ZSCAN32: variants seen among roughly 807,000 people sequenced by gnomAD.
ZSCAN32 encodes the protein zinc finger and SCAN domain containing 32, also known as zinc finger and SCAN domain-containing protein 32.
In ZSCAN32, 52 loss-of-function variants were observed where a neutral mutation model predicts 47.4. The ratio of observed to expected loss-of-function variants is 1.10; its 90% CI spans 0.88 to 1.38. The LOEUF is 1.38. ZSCAN32 is among the 40% of genes most tolerant of loss of function. The probability of loss-of-function intolerance (pLI) is 0.00; values close to 1 mark genes in which losing one functional copy is unlikely to be tolerated. For synonymous variants in ZSCAN32, 346 were observed against 305.7 expected (o/e 1.13, Z -1.38); for missense variants, 959 against 846.0 (o/e 1.13, Z -1.66).
chr16:3,397,375 G>C lies in ZSCAN32; in HGVS notation c.183C>G (p.Leu61=), dbSNP rs763473028. 12 of 1,555,242 alleles carry C rather than the reference G, an allele frequency of 7.7e-6. No individual in the cohort carries two copies. The highest frequency in any genetic ancestry group is 1.0e-5 in the Non-Finnish European group (12 of 1,149,656). ...TCTTCGGCCTCAGCCACTGACAACAGAGTTCCCAGAGTTTGCTAAAAGCTT... is the reference window on the plus strand; with the variant it reads ...TCTTCGGCCTCAGCCACTGACAACACAGTTCCCAGAGTTTGCTAAAAGCTT... The part of the protein sequence containing the change: ...PHEAFSKLWE[L]CCQWLRPKTH... Residue 61 remains leucine (L), a synonymous_variant, in exon 2 of 7, where the codon CTC becomes CTG. Transcript: ENST00000396852.
chr16:3,389,427 G>A (rs1378644929), intron 5 of ZSCAN32, among the ~76,000 whole-genome samples: 2 of 152,198 alleles, frequency 1.3e-5, no homozygotes, highest in Non-Finnish European at 2.9e-5. Flanking sequence ...CTCTGAATCT[G>A]CATGGTCAGG....
chr16:3,393,727 T>C lies in ZSCAN32; in HGVS notation c.454A>G (p.Lys152Glu). Residue 152 changes from lysine (K) to glutamate (E), a missense_variant, in exon 3 of 7, where the codon AAA becomes GAA. Lys to Glu is a moderately conservative substitution (Grantham distance 56). Coordinates refer to ENST00000396852, the MANE Select transcript of ZSCAN32 (RefSeq NM_001284527.2). The stretch of plus-strand genomic sequence containing the variant: ...GGTTCCTCTGGCTGAACCTCCTGTT[T>C]CCATTGGGATCTCAGTGATTCTCTG... ...ATRESLRSQW[K>E]QEVQPEEPTF... The C allele has an allele frequency of 3.2e-6, 5 of 1,550,466 alleles. No homozygotes were observed. The highest frequency in any genetic ancestry group is 1.2e-5 in the South Asian group (1 of 84,054).
chr16:3,389,484 G>A (rs2032407315), intron 5 of ZSCAN32, among the ~76,000 whole-genome samples: 1 of 152,208 alleles, frequency 6.6e-6, no homozygotes. Flanking sequence ...GGACAGAACT[G>A]ATTTGAGAAA....
intron 5 of ZSCAN32, among the ~76,000 whole-genome samples, chr16:3,386,106 C>A (rs1231329281): frequency 6.6e-6 from 1 of 152,108 alleles, no homozygotes; most frequent in Admixed American, 6.6e-5. Flanking sequence ...AAGAAAAAAA[C>A]AACCCCATCA....
Position 3,386,501 on chromosome 16 carries a change from T to C in ZSCAN32, c.752-1560A>G, listed in dbSNP as rs987633101. 2.8e-4 allele frequency among the ~76,000 whole-genome samples: 43 copies of C among 152,316 alleles called. 1 individual carries two copies. Among genetic ancestry groups the C allele is most frequent in the African/African-American group, 8.7e-4 (36 of 41,574 alleles). On this transcript the variant is annotated intron_variant, in intron 5 of 6. Transcript: ENST00000396852. ...AAAGACACATGCACACGTATGTTTATTGCGGCACTATTCACAACAGCAAAG... is the reference window on the plus strand; with the variant it reads ...AAAGACACATGCACACGTATGTTTACTGCGGCACTATTCACAACAGCAAAG...
At chr16:3,395,489 T>C (rs571091038) in intron 2 of ZSCAN32, among the ~76,000 whole-genome samples, 186 of 152,320 alleles carry the variant, frequency 1.2e-3, no homozygotes, top group Non-Finnish European at 1.9e-3. Context: ...TCTTTCCTGC[T>C]GCCATGTGAA....
At chr16:3,400,699 G>C (rs1159327334) in intron 1 of ZSCAN32, among the ~76,000 whole-genome samples, 2 of 152,242 alleles carry the variant, frequency 1.3e-5, no homozygotes, top group African/African-American at 4.8e-5. Flanking sequence ...GATGAGCAGG[G>C]TCAAGGCCAG....
intron 2 of ZSCAN32, 53 bp downstream of exon 2, chr16:3,397,139 T>G (rs2033444397): frequency 6.8e-7 from 1 of 1,468,818 alleles, no homozygotes; most frequent in Non-Finnish European, 9.0e-7. Context: ...AGTAACTGGA[T>G]TCCCCGACAA....
rs768005417 is a variant in ZSCAN32, at chr16:3,390,063, T to G, written c.698A>C (p.Gln233Pro). The G allele has an allele frequency of 6.2e-7, 1 of 1,613,978 alleles. No individual in the cohort carries two copies. The highest frequency in any genetic ancestry group is 1.7e-5 in the Admixed American group (1 of 60,008). Reference sequence around the variant, plus strand: ...GGTGGCACCCCTGTAGAGGGCCCTTTGTGCAGGGCCTGGGCACATCCATTC... The same window carrying G: ...GGTGGCACCCCTGTAGAGGGCCCTTGGTGCAGGGCCTGGGCACATCCATTC... ...QQEWMCPGPA[Q>P]RALYRGATQR... The change falls in exon 5 of 7, where the codon CAA becomes CCA. Residue 233 changes from glutamine to proline, a missense_variant. Physicochemically the swap from Gln to Pro is moderately conservative, Grantham distance 76 (BLOSUM62 -1). Coordinates refer to ENST00000396852, the MANE Select transcript of ZSCAN32 (RefSeq NM_001284527.2).
rs2033507135 is a variant in ZSCAN32 at position 3,397,677 on chromosome 16, G to A, written c.-120C>T. 2.3e-6 allele frequency: 3 copies of A among 1,315,476 alleles called. No homozygotes were observed. Among genetic ancestry groups the A allele is most frequent in the African/African-American group, 3.0e-5 (2 of 67,360 alleles). The allele number at this position is 1,315,476 out of a possible 1,614,324, so 81.5% of individuals were successfully genotyped here. The stretch of plus-strand genomic sequence containing the variant: ...AAGGAATGTCTTTCTGTAATCCGTG[G>A]GACATGAGAGTGTCAGACATGTGTA... On this transcript the variant is annotated 5_prime_UTR_variant, in exon 2 of 7. Coordinates refer to ENST00000396852, the MANE Select transcript of ZSCAN32 (RefSeq NM_001284527.2).
rs768955289 is a variant in ZSCAN32 at position 3,383,351 on chromosome 16, C to T, written c.1595G>A (p.Arg532Gln). ...QCPECGKTFS[R>Q]SSYLVRHQRI... is the part of the protein sequence containing the mutation. ...TTGATGCCGAACAAGATAAGAACTT[C>T]GGCTAAAGGTTTTCCCACATTCAGG... Residue 532 changes from arginine (R) to glutamine (Q), a missense_variant, in exon 7 of 7, where the codon CGA (arginine) becomes CAA (glutamine). By Grantham distance (43) the Arg-to-Gln change is conservative. Coordinates refer to ENST00000396852, the MANE Select transcript of ZSCAN32 (RefSeq NM_001284527.2). The T allele has an allele frequency of 4.2e-5, 68 of 1,614,066 alleles. 1 individual carries two copies. The South Asian group carries it at 6.4e-4, about 15-fold the overall frequency.
intron 4 of ZSCAN32, 53 bp from the exon 5 acceptor site, chr16:3,390,186 G>A (rs2032512724): frequency 2.0e-6 from 3 of 1,528,560 alleles, no homozygotes; most frequent in Non-Finnish European, 2.6e-6. Flanking sequence ...ACTCTAGCCT[G>A]GGGTGGGGGC....
intron 5 of ZSCAN32, among the ~76,000 whole-genome samples, chr16:3,387,438 A>T (rs1427514930): frequency 1.3e-5 from 2 of 152,258 alleles, no homozygotes; most frequent in African/African-American, 4.8e-5. Context: ...CCAAGGTAAG[A>T]ATAAGTAGTA....
chr16:3,397,756 G>T lies in ZSCAN32; in HGVS notation c.-187-12C>A. The T allele has an allele frequency of 3.3e-6, 2 of 601,252 alleles. No homozygotes were observed. Among genetic ancestry groups the T allele is most frequent in the South Asian group, 4.9e-5 (2 of 41,020 alleles). 37.2% of individuals were successfully genotyped at this position (601,252 alleles called of 1,614,324 possible). The stretch of plus-strand genomic sequence containing the variant: ...ACTTTGAAGGATGTCTGAAGAGGAT[G>T]GAAAAAGACAATATAAACCTATCAA... On this transcript the variant is annotated splice_polypyrimidine_tract_variant and intron_variant, in intron 1 of 6. Transcript: ENST00000396852.
chr16:3,383,695 G>A lies in ZSCAN32; in HGVS notation c.1251C>T (p.Asn417=), dbSNP rs542893542. The A allele has an allele frequency of 3.1e-5, 48 of 1,572,622 alleles. No homozygotes were observed. The highest frequency in any genetic ancestry group is 1.7e-4 in the Middle Eastern group (1 of 5,890). ...ATTTTAGATTTTCTTTTTTAATCTC[G>A]TTCTTGAACTCAAAACCTGAAAAAA... The part of the protein sequence containing the change: ...FPNRLGFEFK[N]EIKKENLKWD... Residue 417 remains asparagine, a synonymous_variant, in exon 7 of 7, where the codon AAC becomes AAT. Coordinates refer to ENST00000396852, the MANE Select transcript of ZSCAN32 (RefSeq NM_001284527.2).
rs1346570396 is a variant in ZSCAN32, at chr16:3,383,494, G to A, written c.1452C>T (p.His484=). Residue 484 remains histidine (H), a synonymous_variant, in exon 7 of 7, where the codon CAC becomes CAT. Transcript: ENST00000396852. ...CTTTGTCCCTGGCACAAAAACTCTG[G>A]TGACTCATCTTCTCCTGGGATGGGG... ...EKTPSQEKMS[H]QSFCARDKAC... is the part of the protein sequence containing the mutation. 6.2e-7 allele frequency: 1 copy of A among 1,614,064 alleles called. No individual in the cohort carries two copies. Among genetic ancestry groups the A allele is most frequent in the East Asian group, 2.2e-5 (1 of 44,880 alleles).
chr16:3,399,970 C>A (rs1352781085), intron 1 of ZSCAN32, among the ~76,000 whole-genome samples: 5 of 152,106 alleles, frequency 3.3e-5, no homozygotes, highest in Admixed American at 2.0e-4. Context: ...TAAAGCAGAT[C>A]GTAATTTACA....
intron 3 of ZSCAN32, among the ~76,000 whole-genome samples, chr16:3,391,101 TC>T (rs1302655803): frequency 6.6e-6 from 1 of 152,178 alleles, no homozygotes; most frequent in Non-Finnish European, 1.5e-5. Flanking sequence ...ATGAATCATG[TC>T]TATGACTTAT....
chr16:3,398,620 C>G (rs79296179), intron 1 of ZSCAN32, among the ~76,000 whole-genome samples: 6,686 of 152,252 alleles, frequency 0.044, 198 homozygotes, highest in Middle Eastern at 0.061. Flanking sequence ...AGCCAAGATT[C>G]TGTGTCTGCT....
Sources: allele counts gnomAD v4.1 joint callset (sites outside exome capture counted in the v4.1 genomes callset), GRCh38; gene constraint gnomAD v4.1.1; transcripts MANE v1.5; gene names NCBI Gene and HGNC (gene_info 2026-07-23, HGNC 2026-07-21).